The following TM4SF19 variants were observed in gnomAD, a reference collection of about 807,000 sequenced individuals.
TM4SF19 encodes transmembrane 4 L6 family member 19.
TM4SF19 carries 17 observed loss-of-function variants against 21.8 expected under a neutral mutation model. The ratio of observed to expected loss-of-function variants is 0.78; its 90% CI spans 0.53 to 1.17. The LOEUF (loss-of-function observed/expected upper bound fraction) is 1.17. Among genes scored for constraint, TM4SF19 ranks in the 50% most tolerant of loss-of-function variants. TM4SF19 has a pLI of 0.00. For synonymous variants in TM4SF19, 107 were observed against 106.7 expected, an observed-to-expected ratio of 1.00 and a Z score of -0.02; for missense variants, 216 against 252.1, an observed-to-expected ratio of 0.86 and a Z score of 0.97.
intron 1 of TM4SF19, among the ~76,000 whole-genome samples, chr3:196,333,478 G>T (rs1019238497): frequency 1.3e-5 from 2 of 152,192 alleles, no homozygotes; most frequent in Non-Finnish European, 2.9e-5. Context: ...AATATTTTAT[G>T]TAAGTTTTTT....
intron 1 of TM4SF19, among the ~76,000 whole-genome samples, chr3:196,333,049 T>C (rs1475677108): frequency 1.3e-5 from 2 of 152,134 alleles, no homozygotes; most frequent in African/African-American, 4.8e-5. Flanking sequence ...GGTCTCACTA[T>C]GTTGCCCAAG....
At chr3:196,334,381 CT>C (rs529810285) in intron 1 of TM4SF19, among the ~76,000 whole-genome samples, 51 of 145,826 alleles carry the variant, frequency 3.5e-4, no homozygotes, top group Admixed American at 4.8e-4. Context: ...TTTTCTTTTT[CT>C]TTTTTTTTTT....
rs1727155047 is a variant in TM4SF19, at chr3:196,323,641, T to C, written c.*176A>G. ...CCATGGATCACCTGGAAGTTTACAA[T>C]GTGATTTAAAATGCATTCTATCATT... On this transcript the variant is annotated 3_prime_UTR_variant, in exon 5 of 5. Transcript: ENST00000273695. 3.2e-6 allele frequency: 4 copies of C among 1,242,838 alleles called. No individual in the cohort carries two copies. The South Asian group carries it at 5.9e-5, about 18-fold the overall frequency. 77.0% of individuals were successfully genotyped at this position (1,242,838 alleles called of 1,614,324 possible).
chr3:196,324,179 A>G (rs1006325463), intron 4 of TM4SF19, 92 bp downstream of exon 4: 1 of 1,507,276 alleles, frequency 6.6e-7, no homozygotes, highest in African/African-American at 1.4e-5. Flanking sequence ...AGGATGTGTG[A>G]CCCAAAGGAG....
intron 1 of TM4SF19, among the ~76,000 whole-genome samples, chr3:196,328,315 T>G (rs901667667): frequency 6.7e-6 from 1 of 149,682 alleles, no homozygotes; most frequent in Non-Finnish European, 1.5e-5. Flanking sequence ...AAAAAAAAAG[T>G]AACATTGTTA....
chr3:196,327,023 C>T lies in TM4SF19; in HGVS notation c.211G>A (p.Ala71Thr). Reference sequence around the variant, plus strand: ...CCCATCAAGGAGATGAGGATAGCTGCAGTGAGTACCTGCAGGAGAGAGAAG... The same window carrying T: ...CCCATCAAGGAGATGAGGATAGCTGTAGTGAGTACCTGCAGGAGAGAGAAG... Reference protein sequence around the residue: ...LWGGGLMVLTAAILISLMGWR... With the variant: ...LWGGGLMVLTTAILISLMGWR... The change falls in exon 3 of 5, where the codon GCA becomes ACA. Residue 71 changes from alanine to threonine, a missense_variant. Coordinates refer to ENST00000273695, the MANE Select transcript of TM4SF19 (RefSeq NM_138461.4). 1.2e-6 allele frequency: 2 copies of T among 1,608,964 alleles called. No individual in the cohort carries two copies. The highest frequency in any genetic ancestry group is 1.7e-6 in the Non-Finnish European group (2 of 1,175,654).
At chr3:196,338,214 G>A (rs1296237116) in intron 1 of TM4SF19, 50 bp downstream of exon 1, 3 of 152,240 alleles carry the variant, frequency 2.0e-5, no homozygotes, top group Admixed American at 2.0e-4. Flanking sequence ...TCTCATCTGT[G>A]AGGCTAGGCT....
At chr3:196,328,002 G>C (rs562658919) in intron 1 of TM4SF19, among the ~76,000 whole-genome samples, 2 of 152,310 alleles carry the variant, frequency 1.3e-5, no homozygotes, top group Non-Finnish European at 2.9e-5. Flanking sequence ...AGATAGGAAA[G>C]AAAGAAGTAA....
chr3:196,324,597 T>C, intron 3 of TM4SF19, 157 bp from the exon 4 acceptor site: 3 of 690,118 alleles, frequency 4.3e-6, no homozygotes, highest in South Asian at 1.9e-5. Flanking sequence ...TCTTCCGTCC[T>C]GTCATGGGGG....
chr3:196,329,107 T>C (rs1272782804), intron 1 of TM4SF19, among the ~76,000 whole-genome samples: 1 of 87,008 alleles, frequency 1.1e-5, no homozygotes, highest in Non-Finnish European at 2.7e-5. Flanking sequence ...CCATGCCCGG[T>C]AATTTTTTGT....
In TM4SF19 at chr3:196,323,880, G is replaced by A. The variant is rs1310093364; in HGVS notation, c.567C>T (p.Leu189=). ...ALLCISLLQL[L]LVVVHVINSL... is the part of the protein sequence containing the mutation. The stretch of plus-strand genomic sequence containing the variant: ...TGTTGATGACATGAACGACCACCAG[G>A]AGAAGCTGGAGCAGGCTGATGCACA... Residue 189 remains leucine (L), a synonymous_variant, in exon 5 of 5, where the codon CTC becomes CTT. Coordinates refer to ENST00000273695, the MANE Select transcript of TM4SF19 (RefSeq NM_138461.4). 2 of 1,614,192 alleles carry A rather than the reference G, an allele frequency of 1.2e-6. No homozygotes were observed. Among genetic ancestry groups the A allele is most frequent in the African/African-American group, 1.3e-5 (1 of 75,052 alleles).
Position 196,334,046 on chromosome 3 carries a change from T to C in TM4SF19, c.-2+4218A>G, listed in dbSNP as rs990396268. Reference sequence around the variant, plus strand: ...ACTGCACTCCAGCCTGGACCACAGATCGAGACTCCGTCTCAAAAAAAAAAA... The same window carrying C: ...ACTGCACTCCAGCCTGGACCACAGACCGAGACTCCGTCTCAAAAAAAAAAA... On this transcript the variant is annotated intron_variant, in intron 1 of 4. Coordinates refer to ENST00000273695, the MANE Select transcript of TM4SF19 (RefSeq NM_138461.4). Among the ~76,000 whole-genome samples the C allele has an allele frequency of 2.6e-5, 4 of 151,666 alleles. No homozygotes were observed. The East Asian group carries it at 7.8e-4, about 29-fold the overall frequency.
chr3:196,331,446 C>T (rs948208859), intron 1 of TM4SF19, among the ~76,000 whole-genome samples: 27 of 151,096 alleles, frequency 1.8e-4, no homozygotes, highest in African/African-American at 5.3e-4. Flanking sequence ...CCTTAAGGCT[C>T]GCTATTTATT....
At chr3:196,336,251 G>C (rs1727757128) in intron 1 of TM4SF19, among the ~76,000 whole-genome samples, 1 of 151,926 alleles carries the variant, frequency 6.6e-6, no homozygotes, top group Admixed American at 6.6e-5. Flanking sequence ...TGATTCTCCT[G>C]CCTCAGACTC....
In TM4SF19 at chr3:196,323,695, A is replaced by G. The variant is rs766158636; in HGVS notation, c.*122T>C. 6.4e-7 allele frequency: 1 copy of G among 1,552,162 alleles called. No homozygotes were observed. Among genetic ancestry groups the G allele is most frequent in the Non-Finnish European group, 8.7e-7 (1 of 1,147,052 alleles). ...CCGACCTGCAGTGAATTTTGTTGTC[A>G]TTATTACTCCAGGGATACCTAAAGG... On this transcript the variant is annotated 3_prime_UTR_variant, in exon 5 of 5. Coordinates refer to ENST00000273695, the MANE Select transcript of TM4SF19 (RefSeq NM_138461.4).
rs200291482 is a variant in TM4SF19, at chr3:196,327,376, C to T, written c.201+14G>A. 9 of 1,612,540 alleles carry T rather than the reference C, an allele frequency of 5.6e-6. No individual in the cohort carries two copies. In the Admixed American group the frequency reaches 1.2e-4, roughly 21 times the overall value. ...TCTTTGAGAGTTCACGTTCAGGGAA[C>T]CCCGGACACTTACCATGAGGCCTCC... On this transcript the variant is annotated intron_variant, in intron 2 of 4. Transcript: ENST00000273695.
chr3:196,330,793 A>G (rs1311333263), intron 1 of TM4SF19, among the ~76,000 whole-genome samples: 2 of 152,198 alleles, frequency 1.3e-5, no homozygotes, highest in Non-Finnish European at 2.9e-5. Flanking sequence ...ATAACTGTAC[A>G]TATTGACAAA....
At chr3:196,329,877 GTT>G (rs572956021) in intron 1 of TM4SF19, among the ~76,000 whole-genome samples, 1 of 107,838 alleles carries the variant, frequency 9.3e-6, no homozygotes. Flanking sequence ...GTGTTGTTTT[GTT>G]TTTTTTTTTT....
chr3:196,323,852 G>T lies in TM4SF19; in HGVS notation c.595C>A (p.Leu199Ile). 1 of 1,614,180 alleles carries T rather than the reference G, an allele frequency of 6.2e-7. No individual in the cohort carries two copies. Among genetic ancestry groups the T allele is most frequent in the Non-Finnish European group, 8.5e-7 (1 of 1,180,040 alleles). The change falls in exon 5 of 5, where the codon CTC becomes ATC. Residue 199 changes from leucine to isoleucine, a missense_variant. Leu to Ile is a conservative substitution (Grantham distance 5). Transcript: ENST00000273695. ...LLVVVHVINS[L>I]LGLFCSLCEK is the part of the protein sequence containing the mutation. ...CAGAGGCTGCAGAAAAGGCCCAGGA[G>T]GCTGTTGATGACATGAACGACCACC...
Sources: allele counts gnomAD v4.1 joint callset (sites outside exome capture counted in the v4.1 genomes callset), GRCh38; gene constraint gnomAD v4.1.1; transcripts MANE v1.5; gene names NCBI Gene and HGNC (gene_info 2026-07-23, HGNC 2026-07-21).